Variants in EGFR observed in about 807,000 individuals in gnomAD.
The protein encoded by EGFR is epidermal growth factor receptor.
EGFR carries 58 observed loss-of-function variants against 143.0 expected under a neutral mutation model. The observed-to-expected ratio is 0.41, with a 90% CI of 0.33 to 0.50. EGFR has a LOEUF of 0.50. EGFR is among the 20% of genes least tolerant of loss of function. EGFR has a pLI of 0.39. For missense variants in EGFR, 1,307 were observed against 1,579.0 expected (o/e 0.83, Z 2.92); for synonymous variants, 613 against 594.4 (o/e 1.03, Z -0.45).
At chr7:55,037,174 C>G (rs1297768789) in intron 1 of EGFR, among the ~76,000 whole-genome samples, 5 of 152,206 alleles carry the variant, frequency 3.3e-5, no homozygotes, top group African/African-American at 1.2e-4. Context: ...ATTGGTATAA[C>G]TTGGCAGAAT....
chr7:55,191,555 C>A (rs572952981), intron 20 of EGFR, among the ~76,000 whole-genome samples, 164 bp from the exon 21 acceptor site: 5 of 152,300 alleles, frequency 3.3e-5, no homozygotes. Context: ...CATCTTCTTT[C>A]ATGCGCCTTT....
intron 10 of EGFR, 34 bp downstream of exon 10, chr7:55,156,866 G>A (rs1451837819): frequency 1.9e-6 from 3 of 1,614,108 alleles, no homozygotes; most frequent in Non-Finnish European, 2.5e-6. Context: ...ATATAAATGG[G>A]AAATCAGTGT....
Position 55,019,167 on chromosome 7 carries a change from C to A in EGFR, c.-111C>A. 1 of 886,584 alleles carries A rather than the reference C, an allele frequency of 1.1e-6. No individual in the cohort carries two copies. Among genetic ancestry groups the A allele is most frequent in the Non-Finnish European group, 1.6e-6 (1 of 611,512 alleles). 54.9% of individuals were successfully genotyped at this position (886,584 alleles called of 1,614,324 possible). On this transcript the variant is annotated 5_prime_UTR_variant, in exon 1 of 28. Transcript: ENST00000275493. ...ACCGGACGACAGGCCACCTCGTCGG[C>A]GTCCGCCCGAGTCCCCGCCTCGCCG...
At chr7:55,200,125 G>A (rs1787782038) in intron 23 of EGFR, among the ~76,000 whole-genome samples, 191 bp from the exon 24 acceptor site, 1 of 152,230 alleles carries the variant, frequency 6.6e-6, no homozygotes, top group African/African-American at 2.4e-5. Context: ...CAAATGTACA[G>A]TGCTGGCATG....
In EGFR at chr7:55,163,749, G is replaced by A. The variant is rs1785819776; in HGVS notation, c.1648G>A (p.Val550Met). 1.2e-6 allele frequency: 2 copies of A among 1,614,240 alleles called. No homozygotes were observed. Among genetic ancestry groups the A allele is most frequent in the Non-Finnish European group, 8.5e-7 (1 of 1,180,048 alleles). The change falls in exon 14 of 28, where the codon GTG becomes ATG. Residue 550 changes from valine to methionine, a missense_variant. Val to Met is a conservative substitution (Grantham distance 21). Transcript: ENST00000275493. Reference sequence around the variant, plus strand: ...TCCTCTCAGTGAGCCAAGGGAGTTTGTGGAGAACTCTGAGTGCATACAGTG... The same window carrying A: ...TCCTCTCAGTGAGCCAAGGGAGTTTATGGAGAACTCTGAGTGCATACAGTG... ...NLLEGEPREF[V>M]ENSECIQCHP...
chr7:55,123,279 C>T (rs536147072), intron 1 of EGFR, among the ~76,000 whole-genome samples: 100 of 152,208 alleles, frequency 6.6e-4, no homozygotes, highest in Non-Finnish European at 1.1e-3. Flanking sequence ...GGTGATATTG[C>T]GGTCAAAGCC....
intron 1 of EGFR, among the ~76,000 whole-genome samples, chr7:55,115,040 C>T (rs2128909980): frequency 6.6e-6 from 1 of 152,098 alleles, no homozygotes; most frequent in African/African-American, 2.4e-5. Context: ...CGCCACCGCG[C>T]CGGGCTAATT....
chr7:55,137,374 T>C (rs1794202895), intron 1 of EGFR, among the ~76,000 whole-genome samples: 2 of 152,212 alleles, frequency 1.3e-5, no homozygotes, highest in South Asian at 4.1e-4. Flanking sequence ...TGGGCAAATC[T>C]GGAGAAACTT....
chr7:55,186,348 C>T (rs538749106), intron 20 of EGFR, among the ~76,000 whole-genome samples: 2 of 152,200 alleles, frequency 1.3e-5, no homozygotes, highest in East Asian at 1.9e-4. Context: ...CAGGTTTGCT[C>T]CCTCCCCTCA....
chr7:55,198,525 C>T (rs922621340), intron 22 of EGFR, among the ~76,000 whole-genome samples, 192 bp from the exon 23 acceptor site: 2 of 152,196 alleles, frequency 1.3e-5, no homozygotes, highest in Non-Finnish European at 2.9e-5. Context: ...TCCTGTGAAA[C>T]AGATACTGCT....
At chr7:55,035,510 T>TAAAA (rs35679531) in intron 1 of EGFR, among the ~76,000 whole-genome samples, 1 of 139,888 alleles carries the variant, frequency 7.1e-6, no homozygotes, top group African/African-American at 2.6e-5. Context: ...CCGTCTTCAC[T>TAAAA]AAAAAAAAAA....
At chr7:55,140,563 TC>T (rs898147243) in intron 1 of EGFR, among the ~76,000 whole-genome samples, 1 of 152,162 alleles carries the variant, frequency 6.6e-6, no homozygotes, top group Non-Finnish European at 1.5e-5. Context: ...AATTGGGAAA[TC>T]AGTTTAGCCC....
Position 55,142,307 on chromosome 7 carries a change from A to G in EGFR, c.110A>G (p.Lys37Arg). 1 of 1,614,238 alleles carries G rather than the reference A, an allele frequency of 6.2e-7. No homozygotes were observed. Among genetic ancestry groups the G allele is most frequent in the Non-Finnish European group, 8.5e-7 (1 of 1,180,044 alleles). The part of the protein sequence containing the change: ...EKKVCQGTSN[K>R]LTQLGTFEDH... Reference sequence around the variant, plus strand: ...CCAGTTTGCCAAGGCACGAGTAACAAGCTCACGCAGTTGGGCACTTTTGAA... The same window carrying G: ...CCAGTTTGCCAAGGCACGAGTAACAGGCTCACGCAGTTGGGCACTTTTGAA... Residue 37 changes from lysine to arginine, a missense_variant, in exon 2 of 28, where the codon AAG becomes AGG. Lys to Arg is a conservative substitution (Grantham distance 26). Coordinates refer to ENST00000275493, the MANE Select transcript of EGFR (RefSeq NM_005228.5).
chr7:55,190,141 C>T (rs1234562045), intron 20 of EGFR, among the ~76,000 whole-genome samples: 1 of 152,138 alleles, frequency 6.6e-6, no homozygotes, highest in Admixed American at 6.5e-5. Flanking sequence ...CTCTCCTCTC[C>T]CTTTCCACCC....
intron 1 of EGFR, among the ~76,000 whole-genome samples, chr7:55,126,702 C>G (rs1449242070): frequency 1.3e-5 from 2 of 152,192 alleles, no homozygotes; most frequent in Non-Finnish European, 2.9e-5. Context: ...GGGATTGAAT[C>G]TCAATAGTTT....
chr7:55,052,456 C>T (rs1344597807), intron 1 of EGFR, among the ~76,000 whole-genome samples: 1 of 152,162 alleles, frequency 6.6e-6, no homozygotes, highest in African/African-American at 2.4e-5. Context: ...ACTTTTCTTT[C>T]AATAGTTTCA....
intron 27 of EGFR, among the ~76,000 whole-genome samples, chr7:55,204,192 A>T (rs1386480755): frequency 1.3e-5 from 2 of 150,338 alleles, no homozygotes; most frequent in Non-Finnish European, 3.0e-5. Flanking sequence ...CACGACACAC[A>T]CCATACACAT....
intron 4 of EGFR, among the ~76,000 whole-genome samples, chr7:55,150,195 A>G (rs17336493): frequency 0.014 from 2,112 of 152,370 alleles, 43 homozygotes; most frequent in African/African-American, 0.046. Context: ...TTTGAAAATT[A>G]TATGTGAGTA....
At chr7:55,150,458 C>T (rs1455578860) in intron 4 of EGFR, among the ~76,000 whole-genome samples, 2 of 152,184 alleles carry the variant, frequency 1.3e-5, no homozygotes, top group Non-Finnish European at 2.9e-5. Context: ...GGAGATCAAT[C>T]GTCAGCTTTT....
Sources: gnomAD v4.1 joint callset for allele counts (sites outside exome capture counted in the v4.1 genomes callset) on GRCh38, gnomAD v4.1.1 for gene constraint, MANE v1.5 for transcripts, NCBI Gene and HGNC (gene_info 2026-07-23, HGNC 2026-07-21) for gene names.